Variants in SNTB1 observed in about 807,000 individuals in gnomAD.
The protein encoded by SNTB1 is beta-1-syntrophin.
A neutral mutation model predicts 48.9 loss-of-function variants in SNTB1; 36 were observed. The ratio of observed to expected loss-of-function variants is 0.74; its 90% CI spans 0.56 to 0.97. The LOEUF (loss-of-function observed/expected upper bound fraction) is 0.97, where lower values mean the gene tolerates loss of function less well. Among genes scored for constraint, SNTB1 ranks in the 50% least tolerant of loss-of-function variants. The pLI, the probability that SNTB1 is intolerant of heterozygous loss-of-function variation, is 0.00. For missense variants in SNTB1, 786 were observed against 703.4 expected, an observed-to-expected ratio of 1.12 and a Z score of -1.33; for synonymous variants, 299 against 294.6, an observed-to-expected ratio of 1.01 and a Z score of -0.15.
At chr8:120,750,933 T>C (rs1227995476) in intron 1 of SNTB1, among the ~76,000 whole-genome samples, 1 of 152,028 alleles carries the variant, frequency 6.6e-6, no homozygotes, top group African/African-American at 2.4e-5. Flanking sequence ...TATATTACAA[T>C]TCAGATGTTG....
At chr8:120,683,792 A>G (rs1409951561) in intron 2 of SNTB1, among the ~76,000 whole-genome samples, 1 of 152,214 alleles carries the variant, frequency 6.6e-6, no homozygotes, top group Non-Finnish European at 1.5e-5. Flanking sequence ...TACAGAGAGA[A>G]AAAAAAGTCC....
intron 1 of SNTB1, among the ~76,000 whole-genome samples, chr8:120,774,278 CA>C (rs1819693022): frequency 6.6e-6 from 1 of 152,194 alleles, no homozygotes; most frequent in South Asian, 2.1e-4. Context: ...CATTCATGAG[CA>C]CACCCCATGA....
chr8:120,608,105 T>A (rs1386776683), intron 3 of SNTB1, among the ~76,000 whole-genome samples: 8 of 152,178 alleles, frequency 5.3e-5, no homozygotes, highest in Non-Finnish European at 1.5e-5. Flanking sequence ...ACCTGGCAGA[T>A]CCTTTGGGAT....
chr8:120,630,693 C>T (rs1223749279), intron 3 of SNTB1, among the ~76,000 whole-genome samples: 1 of 152,148 alleles, frequency 6.6e-6, no homozygotes, highest in Non-Finnish European at 1.5e-5. Flanking sequence ...TTTTCTTGCA[C>T]AGCACCTGAT....
chr8:120,644,952 G>A (rs1229197861), intron 2 of SNTB1, among the ~76,000 whole-genome samples: 1 of 151,492 alleles, frequency 6.6e-6, no homozygotes, highest in African/African-American at 2.4e-5. Context: ...TTGGCTGCAT[G>A]AATGTCTTCT....
At chr8:120,755,632 A>G (rs1819306492) in intron 1 of SNTB1, among the ~76,000 whole-genome samples, 1 of 152,190 alleles carries the variant, frequency 6.6e-6, no homozygotes, top group Admixed American at 6.5e-5. Flanking sequence ...AGAAAACAAT[A>G]ATAAAAATAA....
intron 1 of SNTB1, among the ~76,000 whole-genome samples, chr8:120,701,923 T>C (rs930998989): frequency 6.6e-6 from 1 of 152,204 alleles, no homozygotes; most frequent in South Asian, 2.1e-4. Context: ...ATCTCAAAAT[T>C]GTCCTATTTT....
intron 1 of SNTB1, among the ~76,000 whole-genome samples, chr8:120,722,450 A>C (rs1442637407): frequency 2.0e-5 from 3 of 152,212 alleles, no homozygotes. Context: ...AACTGGTGTG[A>C]GATGGTATCT....
chr8:120,804,254 C>G (rs1057293505), intron 1 of SNTB1, among the ~76,000 whole-genome samples: 3 of 151,456 alleles, frequency 2.0e-5, no homozygotes, highest in Non-Finnish European at 4.4e-5. Context: ...ATTCCTTCCT[C>G]TTTCCTTCCA....
chr8:120,664,713 T>C (rs1422179389), intron 2 of SNTB1, among the ~76,000 whole-genome samples: 1 of 152,218 alleles, frequency 6.6e-6, no homozygotes, highest in Admixed American at 6.5e-5. Flanking sequence ...GTTATAGTAA[T>C]AGCAGCAAAT....
chr8:120,647,411 A>C (rs1318421903), intron 2 of SNTB1, among the ~76,000 whole-genome samples: 2 of 148,834 alleles, frequency 1.3e-5, no homozygotes, highest in Non-Finnish European at 3.0e-5. Flanking sequence ...TTCTGCCTTC[A>C]TTTCGTTATG....
intron 4 of SNTB1, among the ~76,000 whole-genome samples, chr8:120,552,902 G>T (rs1356914139): frequency 2.6e-5 from 4 of 152,044 alleles, no homozygotes; most frequent in African/African-American, 9.7e-5. Context: ...CCATCTGGGG[G>T]TGATGATGCC....
At chr8:120,606,233 A>C (rs1270795694) in intron 3 of SNTB1, among the ~76,000 whole-genome samples, 1 of 147,258 alleles carries the variant, frequency 6.8e-6, no homozygotes, top group Non-Finnish European at 1.5e-5. Context: ...TAATATAATT[A>C]TATATAATAT....
chr8:120,631,399 G>A (rs1053322755), intron 3 of SNTB1, among the ~76,000 whole-genome samples: 1 of 152,086 alleles, frequency 6.6e-6, no homozygotes, highest in Non-Finnish European at 1.5e-5. Flanking sequence ...AAATTTTTAG[G>A]CTAAGACCCG....
intron 3 of SNTB1, among the ~76,000 whole-genome samples, chr8:120,577,295 A>T (rs530809262): frequency 6.6e-6 from 1 of 152,332 alleles, no homozygotes; most frequent in Admixed American, 6.5e-5. Context: ...CTGGAACATG[A>T]ATGACTGTTG....
At chr8:120,637,250 A>G (rs1164652654) in intron 2 of SNTB1, 2 of 345,616 alleles carry the variant, frequency 5.8e-6, no homozygotes, top group East Asian at 8.2e-5. Context: ...TAAGATGGGA[A>G]AAAGTCTGCT....
intron 3 of SNTB1, among the ~76,000 whole-genome samples, chr8:120,607,463 A>G (rs934516578): frequency 8.5e-5 from 13 of 152,054 alleles, no homozygotes; most frequent in African/African-American, 3.1e-4. Context: ...CGTGCAGGTT[A>G]GTTACATATG....
chr8:120,811,633 C>A lies in SNTB1; in HGVS notation c.211G>T (p.Gly71Cys). ...GTATNGSFCRGAGAGHPGAGG... is the reference protein window; with the variant it reads ...GTATNGSFCRCAGAGHPGAGG... Reference sequence around the variant, plus strand: ...GCGCCCGGGTGCCCAGCCCCGGCGCCCCTGCAGAACGAGCCATTGGTGGCG... The same window carrying A: ...GCGCCCGGGTGCCCAGCCCCGGCGCACCTGCAGAACGAGCCATTGGTGGCG... Residue 71 changes from glycine (G) to cysteine (C), a missense_variant, in exon 1 of 7, where the codon GGC (glycine) becomes TGC (cysteine). Physicochemically the swap from Gly to Cys is radical, Grantham distance 159 (BLOSUM62 -3). Transcript: ENST00000517992. The A allele has an allele frequency of 6.3e-7, 1 of 1,592,906 alleles. No homozygotes were observed. The highest frequency in any genetic ancestry group is 8.5e-7 in the Non-Finnish European group (1 of 1,173,376).
chr8:120,685,883 T>C (rs1328083066), intron 2 of SNTB1, among the ~76,000 whole-genome samples: 1 of 152,250 alleles, frequency 6.6e-6, no homozygotes, highest in Non-Finnish European at 1.5e-5. Context: ...TATTCTATTT[T>C]ATTGTTCATA....
Sources: gnomAD v4.1 joint callset for allele counts (sites outside exome capture counted in the v4.1 genomes callset) on GRCh38, gnomAD v4.1.1 for gene constraint, MANE v1.5 for transcripts, NCBI Gene and HGNC (gene_info 2026-07-23, HGNC 2026-07-21) for gene names.